The following MAPK10 variants were observed in gnomAD, a reference collection of about 807,000 sequenced individuals.
The protein encoded by MAPK10 is JNK3 alpha protein kinase.
In MAPK10, 25 loss-of-function variants were observed where a neutral mutation model predicts 59.3. The observed-to-expected ratio is 0.42, with a 90% CI of 0.31 to 0.59. MAPK10 has a LOEUF of 0.59. MAPK10 is among the 20% of genes least tolerant of loss of function. The pLI is 0.15. For missense variants in MAPK10, 351 were observed against 568.9 expected (o/e 0.62, Z 3.90); for synonymous variants, 190 against 200.5 (o/e 0.95, Z 0.44).
intron 1 of MAPK10, among the ~76,000 whole-genome samples, chr4:86,543,867 G>C (rs936711742): frequency 6.6e-6 from 1 of 152,166 alleles, no homozygotes; most frequent in Non-Finnish European, 1.5e-5. Flanking sequence ...GGAAGAAAAA[G>C]TCATTTCACT....
intron 1 of MAPK10, among the ~76,000 whole-genome samples, chr4:86,484,010 T>C (rs1753793896): frequency 6.6e-6 from 1 of 152,096 alleles, no homozygotes; most frequent in Admixed American, 6.6e-5. Flanking sequence ...CAGAGATTTA[T>C]GGGAGAGCAA....
intron 9 of MAPK10, among the ~76,000 whole-genome samples, chr4:86,074,240 G>T (rs1368321791): frequency 2.8e-5 from 4 of 140,898 alleles, no homozygotes; most frequent in East Asian, 2.0e-4. Context: ...GTTTTCCATT[G>T]GCTTGGTAGA....
intron 1 of MAPK10, among the ~76,000 whole-genome samples, chr4:86,407,813 G>A (rs973046218): frequency 6.6e-6 from 1 of 151,476 alleles, no homozygotes; most frequent in Non-Finnish European, 1.5e-5. Flanking sequence ...TTTTTAATGT[G>A]GTGAAGAATA....
intron 1 of MAPK10, among the ~76,000 whole-genome samples, chr4:86,398,660 G>T (rs371866658): frequency 2.6e-4 from 39 of 152,196 alleles, no homozygotes; most frequent in African/African-American, 7.2e-4. Context: ...TGTTACAGGG[G>T]TACATTGCGT....
At chr4:86,207,057 C>G (rs2084248099) in intron 2 of MAPK10, among the ~76,000 whole-genome samples, 2 of 151,400 alleles carry the variant, frequency 1.3e-5, no homozygotes, top group African/African-American at 4.9e-5. Context: ...TTAATTAGAT[C>G]CCATTTGTCA....
At chr4:86,103,131 C>G in intron 6 of MAPK10, 55 bp downstream of exon 6, 1 of 678,472 alleles carries the variant, frequency 1.5e-6, no homozygotes. Context: ...TGTGATTTTC[C>G]CTTGGGCTAT....
intron 1 of MAPK10, among the ~76,000 whole-genome samples, chr4:86,425,275 A>G (rs1000054303): frequency 1.3e-5 from 2 of 152,228 alleles, no homozygotes; most frequent in African/African-American, 2.4e-5. Context: ...TTAAAGCAAA[A>G]AGAATAGTAG....
chr4:86,516,846 T>C (rs1756704831), intron 1 of MAPK10, among the ~76,000 whole-genome samples: 3 of 152,356 alleles, frequency 2.0e-5, no homozygotes, highest in South Asian at 4.1e-4. Flanking sequence ...TATGCAATCA[T>C]ATCACTGGCA....
chr4:86,449,454 A>G (rs996714320), intron 1 of MAPK10, among the ~76,000 whole-genome samples: 19 of 152,218 alleles, frequency 1.2e-4, no homozygotes, highest in Non-Finnish European at 2.2e-4. Flanking sequence ...ATGTTTCAAT[A>G]ATATATTTCT....
chr4:86,432,481 C>T (rs12505800), intron 1 of MAPK10, among the ~76,000 whole-genome samples: 4,269 of 152,144 alleles, frequency 0.028, 104 homozygotes, highest in African/African-American at 0.066. Flanking sequence ...GGTTTCACCA[C>T]GTTGGCTACG....
intron 1 of MAPK10, among the ~76,000 whole-genome samples, chr4:86,551,322 A>G (rs1057262546): frequency 6.6e-6 from 1 of 152,206 alleles, no homozygotes; most frequent in South Asian, 2.1e-4. Flanking sequence ...CTTTTTGCCA[A>G]TGAAACTAGG....
chr4:86,058,096 C>T lies in MAPK10; in HGVS notation c.1110+6170G>A, dbSNP rs530967747. On this transcript the variant is annotated intron_variant, in intron 11 of 13. Transcript: ENST00000641462. ...GACTATCAGGTTGGTATAGTACTTG[C>T]GATGTCTTGGCAAGAAATCATGAAA... is the stretch of plus-strand genomic sequence containing the variant. Among the ~76,000 whole-genome samples the T allele has an allele frequency of 3.3e-4, 50 of 149,606 alleles. 3 individuals carry two copies. The highest frequency in any genetic ancestry group is 8.6e-4 in the Admixed American group (13 of 15,114).
intron 1 of MAPK10, among the ~76,000 whole-genome samples, chr4:86,510,982 T>C (rs572909668): frequency 3.9e-5 from 6 of 152,134 alleles, no homozygotes; most frequent in Non-Finnish European, 7.4e-5. Context: ...AGAAGGGAAA[T>C]TATAGTTAAC....
chr4:86,261,572 G>A (rs1452790526), intron 2 of MAPK10, among the ~76,000 whole-genome samples: 6 of 152,190 alleles, frequency 3.9e-5, no homozygotes, highest in Admixed American at 1.3e-4. Flanking sequence ...AAGGAAGTAT[G>A]TCAAATATGC....
At chr4:86,485,226 C>G (rs945607494) in intron 1 of MAPK10, among the ~76,000 whole-genome samples, 2 of 152,288 alleles carry the variant, frequency 1.3e-5, no homozygotes, top group South Asian at 2.1e-4. Flanking sequence ...ACTGGAGATG[C>G]CTTCCCCAAC....
intron 2 of MAPK10, among the ~76,000 whole-genome samples, chr4:86,351,422 C>T (rs1216008251): frequency 6.6e-6 from 1 of 150,972 alleles, no homozygotes; most frequent in African/African-American, 2.4e-5. Flanking sequence ...CACACACACA[C>T]ACACACATTT....
intron 11 of MAPK10, among the ~76,000 whole-genome samples, chr4:86,057,939 G>A (rs373793412): frequency 6.7e-6 from 1 of 149,510 alleles, no homozygotes; most frequent in African/African-American, 2.5e-5. Context: ...CTCCCCTTAC[G>A]TACATGTGGT....
intron 2 of MAPK10, among the ~76,000 whole-genome samples, chr4:86,214,183 T>G (rs2086685509): frequency 6.6e-6 from 1 of 152,036 alleles, no homozygotes; most frequent in Non-Finnish European, 1.5e-5. Flanking sequence ...TCAACACCCT[T>G]TCATGATTTT....
At chr4:86,414,891 G>C (rs1026424855) in intron 1 of MAPK10, among the ~76,000 whole-genome samples, 1 of 152,056 alleles carries the variant, frequency 6.6e-6, no homozygotes. Context: ...CTGTTTACTA[G>C]GCTAAGCCAG....
Sources: gnomAD v4.1 joint callset for allele counts (sites outside exome capture counted in the v4.1 genomes callset) on GRCh38, gnomAD v4.1.1 for gene constraint, MANE v1.5 for transcripts, NCBI Gene and HGNC (gene_info 2026-07-23, HGNC 2026-07-21) for gene names.